Variants in PWWP2A observed in about 807,000 individuals in gnomAD.
PWWP2A encodes the protein PWWP domain-containing protein 2A.
Under a neutral mutation model 48.5 loss-of-function variants are expected in PWWP2A, and 18 were observed. The ratio of observed to expected loss-of-function variants is 0.37; its 90% CI spans 0.26 to 0.55. The LOEUF (loss-of-function observed/expected upper bound fraction) is 0.55. Among genes scored for constraint, PWWP2A ranks in the 20% least tolerant of loss-of-function variants. The pLI is 0.81. For synonymous variants in PWWP2A, 396 were observed against 387.7 expected (o/e 1.02, Z -0.25); for missense variants, 867 against 976.4 (o/e 0.89, Z 1.49).
rs1014625482 is a variant in PWWP2A at position 160,092,163 on chromosome 5, A to T, written c.*219T>A. ...ATGGTTTCGAACTTCAAAACTGAAA[A>T]ATACTGCTAAAATCTCACTTCCTTA... On this transcript the variant is annotated 3_prime_UTR_variant, in exon 2 of 2. Coordinates refer to ENST00000307063, the MANE Select transcript of PWWP2A (RefSeq NM_001130864.2). The T allele has an allele frequency of 6.2e-5, 81 of 1,306,548 alleles. No homozygotes were observed. Among genetic ancestry groups the T allele is most frequent in the Middle Eastern group, 2.9e-4 (1 of 3,456 alleles). 80.9% of individuals were successfully genotyped at this position (1,306,548 alleles called of 1,614,324 possible). A position where few individuals can be genotyped will look rare whatever the true frequency, so the allele number is the denominator to read the frequency against.
At position 160,107,383 on chromosome 5, in the gene PWWP2A, A is replaced by T. The variant is rs114325077; in HGVS notation, c.584+11422T>A. On this transcript the variant is annotated intron_variant, in intron 1 of 1. Transcript: ENST00000307063. ...CTAGAATATAACTTAATCTCCAATT[A>T]CTTTCTTGCAATACCTGCCACTACA... 8.7e-3 allele frequency among the ~76,000 whole-genome samples: 1,320 copies of T among 152,288 alleles called. 14 individuals carry two copies. The highest frequency in any genetic ancestry group is 0.03 in the African/African-American group (1,229 of 41,566).
Position 160,092,866 on chromosome 5 carries a change from T to G in PWWP2A, c.1784A>C (p.Asn595Thr). The G allele has an allele frequency of 1.3e-6, 2 of 1,551,518 alleles. No individual in the cohort carries two copies. Among genetic ancestry groups the G allele is most frequent in the East Asian group, 2.4e-5 (1 of 40,906 alleles). ...GCTTTCAGAAGAACTACACTCAGAG[T>G]TGGAAGATTTCAAATCATCTGTGCT... ...IDSTDDLKSS[N>T]SECSSSESFD... The change falls in exon 2 of 2, where the codon AAC becomes ACC. Residue 595 changes from asparagine to threonine, a missense_variant. By Grantham distance (65) the Asn-to-Thr change is moderately conservative. Around this residue, in one of 4 missense-constraint regions of PWWP2A, gnomAD observed 382 missense variants for 407.2 expected, o/e 0.94. Coordinates refer to ENST00000307063, the MANE Select transcript of PWWP2A (RefSeq NM_001130864.2).
At chr5:160,083,393 G>A (rs1406004294) in intron 2 of PWWP2A, among the ~76,000 whole-genome samples, 8 of 152,164 alleles carry the variant, frequency 5.3e-5, no homozygotes, top group East Asian at 1.9e-4. Flanking sequence ...GGAATGTGTG[G>A]CATTTCCCTC....
chr5:160,050,920 C>T, the PWWP2A span, among the ~76,000 whole-genome samples: 1 of 151,868 alleles, frequency 6.6e-6, no homozygotes, highest in African/African-American at 2.4e-5. Flanking sequence ...GTCACTGCAC[C>T]TGGCCCAAAC....
intron 2 of PWWP2A, among the ~76,000 whole-genome samples, chr5:160,083,475 C>T (rs1754392092): frequency 6.6e-6 from 1 of 152,212 alleles, no homozygotes; most frequent in South Asian, 2.1e-4. Context: ...TTAATCTCCA[C>T]TTTTCCTCCA....
chr5:160,096,543 TA>T (rs1354152187), intron 1 of PWWP2A, among the ~76,000 whole-genome samples: 3 of 152,250 alleles, frequency 2.0e-5, no homozygotes, highest in Non-Finnish European at 4.4e-5. Flanking sequence ...TAACATTTTC[TA>T]ACTTGTAAGA....
the PWWP2A span, chr5:160,049,669 C>A: frequency 1.9e-6 from 3 of 1,557,104 alleles, no homozygotes; most frequent in Non-Finnish European, 2.6e-6. Context: ...TATGGTAAAA[C>A]CTAAAATTTT....
intron 1 of PWWP2A, chr5:160,105,791 A>C (rs1004922250): frequency 4.1e-6 from 1 of 242,160 alleles, no homozygotes; most frequent in African/African-American, 2.3e-5. Context: ...AAAAAAAAAA[A>C]AAAATTCCTC....
At chr5:160,083,696 G>C (rs1366639003) in intron 2 of PWWP2A, among the ~76,000 whole-genome samples, 1 of 152,188 alleles carries the variant, frequency 6.6e-6, no homozygotes, top group African/African-American at 2.4e-5. Context: ...TGGGGCATCT[G>C]AGATGGTCAT....
At chr5:160,112,283 C>A (rs960793159) in intron 1 of PWWP2A, among the ~76,000 whole-genome samples, 2 of 152,018 alleles carry the variant, frequency 1.3e-5, no homozygotes, top group South Asian at 4.2e-4. Flanking sequence ...TGCAGTGGTG[C>A]GATCTCGGCT....
chr5:160,048,484 A>C, the PWWP2A span, among the ~76,000 whole-genome samples: 10 of 152,260 alleles, frequency 6.6e-5, no homozygotes, highest in East Asian at 1.9e-3. Context: ...AAAAGAAACA[A>C]CTTGGAAGAA....
chr5:160,072,743 A>AAATAAAT (rs1554098596), downstream of PWWP2A, among the ~76,000 whole-genome samples: 5 of 151,794 alleles, frequency 3.3e-5, no homozygotes, highest in African/African-American at 1.2e-4. Flanking sequence ...ATAAATAAAT[A>AAATAAAT]AATAATAAAA....
chr5:160,051,679 G>A, the PWWP2A span, among the ~76,000 whole-genome samples: 45 of 152,262 alleles, frequency 3.0e-4, no homozygotes, highest in African/African-American at 9.9e-4. Context: ...CTGGGGGTAG[G>A]GGTAGGGCAA....
At chr5:160,050,223 G>C in the PWWP2A span, among the ~76,000 whole-genome samples, 4 of 151,836 alleles carry the variant, frequency 2.6e-5, no homozygotes, top group African/African-American at 9.7e-5. Context: ...CGAGGAGGGC[G>C]GATCACCTGA....
At position 160,066,295 on chromosome 5, in the gene PWWP2A, C is replaced by CTTTTTTTTTTTTTTT. The variant is rs748083955; in HGVS notation, c.*236+252_*236+253insAAAAAAAAAAAAAAA. Among the ~76,000 whole-genome samples, 24 of 57,974 alleles carry CTTTTTTTTTTTTTTT rather than the reference C, an allele frequency of 4.1e-4. 1 individual carries two copies. The highest frequency in any genetic ancestry group is 1.2e-3 in the African/African-American group (21 of 17,888). The allele number at this position is 57,974 out of a possible 152,430, so 38.0% of individuals were successfully genotyped here. On this transcript the variant is annotated intron_variant and NMD_transcript_variant, in intron 4 of 5. Coordinates refer to the PWWP2A transcript ENST00000524050. Reference sequence around the variant, plus strand: ...CAGCATTATGCTAGAAAGTGGTTCTCATTTTTTTTTTTTTTTTTTTGAGGG... The same window carrying CTTTTTTTTTTTTTTT: ...CAGCATTATGCTAGAAAGTGGTTCTCTTTTTTTTTTTTTTTATTTTTTTTTTTTTTTTTTTGAGGG...
chr5:160,064,996 G>A (rs776425696), intron 4 of PWWP2A: 2 of 1,614,094 alleles, frequency 1.2e-6, no homozygotes, highest in Non-Finnish European at 1.7e-6. Context: ...AAAATTTCCA[G>A]ATCAAACAGG....
the PWWP2A span, among the ~76,000 whole-genome samples, chr5:160,052,237 G>C: frequency 4.6e-5 from 7 of 151,720 alleles, no homozygotes; most frequent in Non-Finnish European, 1.0e-4. Context: ...GCCAGGCACG[G>C]TGGCTCCTGT....
Position 160,093,497 on chromosome 5 carries a change from C to T in PWWP2A, c.1153G>A (p.Val385Met). ...TGAGCAATATTTGAAACCTTAACCA[C>T]AGCATTTCTTTTCTGGCTTTCATTT... ...NQNESQKRNA[V>M]VKVSNIAHSR... The change falls in exon 2 of 2, where the codon GTG becomes ATG. Residue 385 changes from valine (V) to methionine (M), a missense_variant. By Grantham distance (21) the Val-to-Met change is conservative. Around this residue, in one of 4 missense-constraint regions of PWWP2A, gnomAD observed 382 missense variants for 407.2 expected, o/e 0.94. Transcript: ENST00000307063. This position sits in a 1 kb window ranked among gnomAD's most constrained non-coding sequence, Gnocchi z 5.8. 6.2e-7 allele frequency: 1 copy of T among 1,613,950 alleles called. No individual in the cohort carries two copies. The highest frequency in any genetic ancestry group is 8.5e-7 in the Non-Finnish European group (1 of 1,179,874).
At chr5:160,081,234 A>AC (rs1236610270) in intron 2 of PWWP2A, among the ~76,000 whole-genome samples, 6 of 129,672 alleles carry the variant, frequency 4.6e-5, no homozygotes, top group African/African-American at 1.2e-4. Flanking sequence ...GAGCTCAATG[A>AC]CCCCCTTTTT....
Sources: allele counts gnomAD v4.1 joint callset (sites outside exome capture counted in the v4.1 genomes callset), GRCh38; gene constraint gnomAD v4.1.1; regional missense constraint gnomAD v4.1.1; non-coding constraint Gnocchi (gnomAD v3.1); transcripts MANE v1.5; gene names NCBI Gene and HGNC (gene_info 2026-07-23, HGNC 2026-07-21).